The following CHL1 variants were observed in gnomAD, a reference collection of about 807,000 sequenced individuals.
The protein encoded by CHL1 is neural cell adhesion molecule L1-like protein.
In CHL1, 96 loss-of-function variants were observed where a neutral mutation model predicts 141.9. That is an observed-to-expected ratio of 0.68 (90% CI 0.57 to 0.80). CHL1 has a LOEUF of 0.80. Among genes scored for constraint, CHL1 ranks in the 30% least tolerant of loss-of-function variants. CHL1 has a pLI of 0.00. For synonymous variants in CHL1, 613 were observed against 502.2 expected, an observed-to-expected ratio of 1.22 and a Z score of -2.95; for missense variants, 1,820 against 1,457.2, an observed-to-expected ratio of 1.25 and a Z score of -4.05.
chr3:316,496 G>A (rs1361003277), intron 2 of CHL1, among the ~76,000 whole-genome samples: 1 of 151,688 alleles, frequency 6.6e-6, no homozygotes, highest in Non-Finnish European at 1.5e-5. Context: ...GATGAGCTAC[G>A]ATCGTAGGAA....
At chr3:359,317 C>T (rs531009656) in intron 11 of CHL1, among the ~76,000 whole-genome samples, 33 of 151,564 alleles carry the variant, frequency 2.2e-4, no homozygotes, top group Non-Finnish European at 4.1e-4. Flanking sequence ...TTTTTCTTCA[C>T]TTTTATTTTA....
chr3:213,811 C>G (rs1700085217), intron 1 of CHL1: 1 of 152,098 alleles, frequency 6.6e-6, no homozygotes, highest in African/African-American at 2.4e-5. Context: ...AATAAGTGTT[C>G]AAGCCCAATT....
rs3856876 is a variant in CHL1, at chr3:408,708, T to C, written c.*2997T>C. 0.98 allele frequency: 148,457 copies of C among 152,174 alleles called. 72,518 individuals are homozygous for C. Among genetic ancestry groups the C allele is most frequent in the East Asian group, 1 (5,172 of 5,172 alleles). The allele number at this position is 152,174 out of a possible 1,614,324, so 9.4% of individuals were successfully genotyped here. A position where few individuals can be genotyped will look rare whatever the true frequency, so the allele number is the denominator to read the frequency against. ...ATCTACTGTTTAGTGAGCAGTATGA[T>C]TTGTACATGCCATTGAAAATTATTA... On this transcript the variant is annotated 3_prime_UTR_variant, in exon 28 of 28. Transcript: ENST00000256509.
At chr3:348,461 C>A (rs2133400) in intron 9 of CHL1, among the ~76,000 whole-genome samples, 4 of 152,280 alleles carry the variant, frequency 2.6e-5, no homozygotes, top group African/African-American at 7.2e-5. Context: ...TTAGAACCAA[C>A]CCTTTATGCT....
chr3:378,839 C>T (rs1384497766), intron 16 of CHL1, among the ~76,000 whole-genome samples: 1 of 152,174 alleles, frequency 6.6e-6, no homozygotes. Context: ...GTCTCTCTCA[C>T]ACCCAACCTA....
intron 2 of CHL1, among the ~76,000 whole-genome samples, chr3:252,378 A>ATATG (rs1461795072): frequency 1.8e-4 from 22 of 124,894 alleles, no homozygotes; most frequent in Non-Finnish European, 2.3e-4. Flanking sequence ...ATATATATAT[A>ATATG]TATATATATA....
chr3:243,726 C>T (rs1183316664), intron 1 of CHL1, among the ~76,000 whole-genome samples: 9 of 152,244 alleles, frequency 5.9e-5, no homozygotes, highest in South Asian at 2.1e-4. Context: ...TTCAGCCATC[C>T]TTCCTTTTCT....
chr3:259,834 G>A (rs1482762893), intron 2 of CHL1, among the ~76,000 whole-genome samples: 1 of 152,126 alleles, frequency 6.6e-6, no homozygotes. Context: ...TGGGCCTACA[G>A]AATTAGAATT....
chr3:390,984 G>C lies in CHL1; in HGVS notation c.2616G>C (p.Leu872Phe), dbSNP rs1323580340. ...QINWWKTKSL[L>F]DGRTHPKEVN... ...ATTGGTGGAAAACAAAAAGTCTGTT[G>C]GATGGAAGAACACATCCCAAAGAAG... Residue 872 changes from leucine to phenylalanine, a missense_variant, in exon 22 of 28, where the codon TTG (leucine) becomes TTC (phenylalanine). Physicochemically the swap from Leu to Phe is conservative, Grantham distance 22 (BLOSUM62 0). Coordinates refer to ENST00000256509, the MANE Select transcript of CHL1 (RefSeq NM_006614.4). 1 of 1,613,936 alleles carries C rather than the reference G, an allele frequency of 6.2e-7. No homozygotes were observed. The highest frequency in any genetic ancestry group is 2.2e-5 in the East Asian group (1 of 44,886).
In CHL1 at chr3:326,453, T is replaced by A. The variant is rs1023042269; in HGVS notation, c.197+389T>A. On this transcript the variant is annotated intron_variant, in intron 4 of 27. Transcript: ENST00000256509. ...ACCATTCTATACATATTTATAATTG[T>A]GCGTCTTTAAATTTAAACATCTTAT... Among the ~76,000 whole-genome samples the A allele has an allele frequency of 5.9e-5, 9 of 152,050 alleles. 1 individual carries two copies. The highest frequency in any genetic ancestry group is 8.8e-5 in the Non-Finnish European group (6 of 67,946).
rs1026660088 is a variant in CHL1 at position 334,337 on chromosome 3, A to G, written c.385+5983A>G. On this transcript the variant is annotated intron_variant, in intron 5 of 27. Transcript: ENST00000256509. ...TTGGCACATGACACTATGCCCCACC[A>G]ATGACTTTTTTAGTAATTTTTTTAG... Among the ~76,000 whole-genome samples the G allele has an allele frequency of 2.0e-5, 3 of 152,050 alleles. No homozygotes were observed. In the East Asian group the frequency reaches 5.8e-4, roughly 29 times the overall value.
intron 1 of CHL1, among the ~76,000 whole-genome samples, chr3:222,048 C>G (rs1347979258): frequency 6.6e-6 from 1 of 152,124 alleles, no homozygotes; most frequent in Non-Finnish European, 1.5e-5. Context: ...AAAAGAAGTA[C>G]AAAATATTGG....
In CHL1 at chr3:406,806, A is replaced by G. The variant is rs1709559574; in HGVS notation, c.*1095A>G. On this transcript the variant is annotated 3_prime_UTR_variant, in exon 28 of 28. Coordinates refer to ENST00000256509, the MANE Select transcript of CHL1 (RefSeq NM_006614.4). ...TAAAGTATTTGGGTTTTGTTCTTGTATTGCTTTCTTTCAACAGTTTCAAAA... is the reference window on the plus strand; with the variant it reads ...TAAAGTATTTGGGTTTTGTTCTTGTGTTGCTTTCTTTCAACAGTTTCAAAA... 6.6e-6 allele frequency: 1 copy of G among 152,048 alleles called. No homozygotes were observed. The highest frequency in any genetic ancestry group is 2.4e-5 in the African/African-American group (1 of 41,408). The allele number at this position is 152,048 out of a possible 1,614,324, so 9.4% of individuals were successfully genotyped here. A position where few individuals can be genotyped will look rare whatever the true frequency, so the allele number is the denominator to read the frequency against.
At chr3:236,795 C>T (rs557699575) in intron 1 of CHL1, among the ~76,000 whole-genome samples, 1 of 145,840 alleles carries the variant, frequency 6.9e-6, no homozygotes, top group Admixed American at 6.7e-5. Flanking sequence ...AATCCCATGG[C>T]CCCAGCCTCT....
intron 2 of CHL1, among the ~76,000 whole-genome samples, chr3:282,395 C>A (rs150967028): frequency 0.018 from 2,719 of 152,174 alleles, 94 homozygotes; most frequent in African/African-American, 0.062. Context: ...AGAGTTACAA[C>A]AATATTTTAA....
In CHL1 at chr3:346,400, CA is replaced by C. The variant is rs754445512; in HGVS notation, c.848+1692del. Among the ~76,000 whole-genome samples, 17 of 152,184 alleles carry C rather than the reference CA, an allele frequency of 1.1e-4. 1 individual carries two copies. The East Asian group carries it at 1.3e-3, about 12-fold the overall frequency. ...TACTGGTTGTATTTGTACATGTTTACAGTGGTAGAAATTACATTCTTGCAGA... is the reference window on the plus strand; with the variant it reads ...TACTGGTTGTATTTGTACATGTTTACGTGGTAGAAATTACATTCTTGCAGA... On this transcript the variant is annotated intron_variant, in intron 9 of 27. Coordinates refer to ENST00000256509, the MANE Select transcript of CHL1 (RefSeq NM_006614.4).
In CHL1 at chr3:408,888, A is replaced by C. The variant is rs1709692634; in HGVS notation, c.*3177A>C. The stretch of plus-strand genomic sequence containing the variant: ...TGCACCCGTGTTTGTAAAAATGTAG[A>C]GCACAATGGAATTATGCTGGAAGTC... On this transcript the variant is annotated 3_prime_UTR_variant, in exon 28 of 28. Coordinates refer to ENST00000256509, the MANE Select transcript of CHL1 (RefSeq NM_006614.4). The C allele has an allele frequency of 6.6e-6, 1 of 152,106 alleles. No homozygotes were observed. The highest frequency in any genetic ancestry group is 2.4e-5 in the African/African-American group (1 of 41,434). The allele number at this position is 152,106 out of a possible 1,614,324, so 9.4% of individuals were successfully genotyped here.
At chr3:201,825 G>A (rs1393054255) in intron 1 of CHL1, among the ~76,000 whole-genome samples, 1 of 152,084 alleles carries the variant, frequency 6.6e-6, no homozygotes, top group East Asian at 1.9e-4. Flanking sequence ...GTGGAGGTAG[G>A]AGCTCTGTTG....
intron 14 of CHL1, among the ~76,000 whole-genome samples, chr3:364,485 C>G (rs956410245): frequency 6.6e-6 from 1 of 152,144 alleles, no homozygotes; most frequent in Non-Finnish European, 1.5e-5. Context: ...ACTTTGCACT[C>G]CTATTGCCCA....
Sources: allele counts gnomAD v4.1 joint callset (sites outside exome capture counted in the v4.1 genomes callset), GRCh38; gene constraint gnomAD v4.1.1; transcripts MANE v1.5; gene names NCBI Gene and HGNC (gene_info 2026-07-23, HGNC 2026-07-21).